Variants in KCNQ5 observed in about 807,000 individuals in gnomAD.
The protein encoded by KCNQ5 is potassium voltage-gated channel subfamily Q member 5.
In KCNQ5, 30 loss-of-function variants were observed where a neutral mutation model predicts 98.2. The ratio of observed to expected loss-of-function variants is 0.31; its 90% confidence interval spans 0.23 to 0.41. The LOEUF (loss-of-function observed/expected upper bound fraction) is 0.41, where lower values mean the gene tolerates loss of function less well. KCNQ5 is among the 10% of genes least tolerant of loss of function. KCNQ5 has a pLI of 1.00. For synonymous variants in KCNQ5, 458 were observed against 449.4 expected (o/e 1.02, Z -0.24); for missense variants, 835 against 1,182.5 (o/e 0.71, Z 4.31).
intron 1 of KCNQ5, among the ~76,000 whole-genome samples, chr6:72,633,497 T>A (rs1355240921): frequency 6.6e-6 from 1 of 152,212 alleles, no homozygotes; most frequent in Non-Finnish European, 1.5e-5. Context: ...TCAATGTTAT[T>A]CCTGTCAAAC....
chr6:72,944,136 T>G (rs1766431560), intron 1 of KCNQ5, among the ~76,000 whole-genome samples: 1 of 152,204 alleles, frequency 6.6e-6, no homozygotes, highest in African/African-American at 2.4e-5. Context: ...GATAAACCAC[T>G]TAGATCATTG....
intron 11 of KCNQ5, among the ~76,000 whole-genome samples, chr6:73,178,474 A>G (rs557786522): frequency 2.3e-4 from 35 of 149,766 alleles, no homozygotes; most frequent in African/African-American, 8.4e-4. Context: ...TAGATCCTGC[A>G]TATAAAGGAC....
At chr6:72,953,845 G>C (rs1766919375) in intron 1 of KCNQ5, among the ~76,000 whole-genome samples, 1 of 152,150 alleles carries the variant, frequency 6.6e-6, no homozygotes, top group Non-Finnish European at 1.5e-5. Flanking sequence ...AAAATGAAGA[G>C]AGGCAGTATG....
intron 11 of KCNQ5, among the ~76,000 whole-genome samples, chr6:73,186,810 A>T (rs751334824): frequency 8.6e-5 from 13 of 151,992 alleles, no homozygotes; most frequent in Admixed American, 2.0e-4. Context: ...TTTTTAAAAT[A>T]CTTTAAGTTC....
chr6:72,732,171 A>G (rs1770589164), intron 1 of KCNQ5, among the ~76,000 whole-genome samples: 2 of 152,204 alleles, frequency 1.3e-5, no homozygotes, highest in African/African-American at 4.8e-5. Context: ...GCCTTGAGTA[A>G]TATGCAATCT....
At chr6:72,959,435 T>G (rs2150265186) in intron 1 of KCNQ5, among the ~76,000 whole-genome samples, 1 of 152,316 alleles carries the variant, frequency 6.6e-6, no homozygotes, top group Admixed American at 6.5e-5. Context: ...GGTTTCAGAG[T>G]TCCATATTTT....
intron 1 of KCNQ5, among the ~76,000 whole-genome samples, chr6:72,768,651 G>C (rs1383578475): frequency 6.6e-6 from 1 of 151,994 alleles, no homozygotes; most frequent in South Asian, 2.1e-4. Context: ...TTGGAGGAAA[G>C]TGGAAGACTG....
At chr6:72,837,821 T>C (rs1374631342) in intron 1 of KCNQ5, among the ~76,000 whole-genome samples, 1 of 152,196 alleles carries the variant, frequency 6.6e-6, no homozygotes, top group African/African-American at 2.4e-5. Flanking sequence ...ATGTTATATA[T>C]GTTTAAACAT....
intron 1 of KCNQ5, among the ~76,000 whole-genome samples, chr6:72,757,472 G>T (rs763854923): frequency 5.9e-5 from 9 of 152,118 alleles, no homozygotes; most frequent in Non-Finnish European, 1.3e-4. Context: ...TCATAGCTTA[G>T]CCTAGCCTAC....
intron 1 of KCNQ5, among the ~76,000 whole-genome samples, chr6:72,924,247 A>AT (rs1364646208): frequency 6.6e-6 from 1 of 152,142 alleles, no homozygotes; most frequent in Non-Finnish European, 1.5e-5. Flanking sequence ...CTCATGACAG[A>AT]TTTTTTTAGT....
chr6:72,863,390 C>T (rs762390178), intron 1 of KCNQ5, among the ~76,000 whole-genome samples: 11 of 152,162 alleles, frequency 7.2e-5, no homozygotes, highest in South Asian at 2.1e-4. Flanking sequence ...TTTAGAAATA[C>T]GTTTTTCTTT....
intron 7 of KCNQ5, among the ~76,000 whole-genome samples, chr6:73,111,886 G>A (rs1775256024): frequency 6.6e-6 from 1 of 152,220 alleles, no homozygotes; most frequent in South Asian, 2.1e-4. Flanking sequence ...ATCTAGGGCA[G>A]TTAGCGGAAA....
chr6:72,927,456 G>C (rs1419724530), intron 1 of KCNQ5, among the ~76,000 whole-genome samples: 1 of 152,014 alleles, frequency 6.6e-6, no homozygotes, highest in East Asian at 1.9e-4. Context: ...ATGACTTAGA[G>C]ATCCTAGAGA....
chr6:73,003,857 G>A, intron 1 of KCNQ5, 51 bp from the exon 2 acceptor site: 1 of 1,204,066 alleles, frequency 8.3e-7, no homozygotes, highest in Non-Finnish European at 1.2e-6. Context: ...AATTAAGTCT[G>A]TGATAATAAG....
Position 73,192,565 on chromosome 6 carries a change from T to C in KCNQ5, c.1710T>C (p.Arg570=), listed in dbSNP as rs1311053049. Residue 570 remains arginine (R), a splice_region_variant and synonymous_variant, in exon 13 of 14, where the codon CGT becomes CGC. Transcript: ENST00000370398. The part of the protein sequence containing the change: ...MLCRIKSLQT[R]VDQILGKGQI... The stretch of plus-strand genomic sequence containing the variant: ...ATCAGATCTCCTCTTTCTCTGATAG[T>C]GTTGATCAAATTCTTGGAAAAGGGC... 6.2e-7 allele frequency: 1 copy of C among 1,608,434 alleles called. No individual in the cohort carries two copies. Among genetic ancestry groups the C allele is most frequent in the Non-Finnish European group, 8.5e-7 (1 of 1,177,264 alleles).
At chr6:72,950,283 T>G (rs1334054147) in intron 1 of KCNQ5, among the ~76,000 whole-genome samples, 1 of 152,212 alleles carries the variant, frequency 6.6e-6, no homozygotes, top group Admixed American at 6.5e-5. Flanking sequence ...CAGCCAATCT[T>G]GGTAAACAAA....
At chr6:72,838,929 G>A (rs1298990346) in intron 1 of KCNQ5, among the ~76,000 whole-genome samples, 14 of 118,146 alleles carry the variant, frequency 1.2e-4, no homozygotes, top group Admixed American at 8.5e-4. Context: ...CAGCCTGGGC[G>A]ACAGAGCGAG....
intron 1 of KCNQ5, among the ~76,000 whole-genome samples, chr6:72,996,042 G>GT (rs952176045): frequency 5.9e-5 from 9 of 152,320 alleles, no homozygotes; most frequent in Admixed American, 5.9e-4. Flanking sequence ...ATAAGCAAAA[G>GT]TTTGTCTTCC....
chr6:73,176,670 T>C (rs1235604794), intron 11 of KCNQ5, among the ~76,000 whole-genome samples: 1 of 152,102 alleles, frequency 6.6e-6, no homozygotes, highest in Non-Finnish European at 1.5e-5. Context: ...GGATTTCAGA[T>C]AGGATTTGGA....
Sources: gnomAD v4.1 joint callset for allele counts (sites outside exome capture counted in the v4.1 genomes callset) on GRCh38, gnomAD v4.1.1 for gene constraint, MANE v1.5 for transcripts, NCBI Gene and HGNC (gene_info 2026-07-23, HGNC 2026-07-21) for gene names.